Variants in RPP30 observed in about 807,000 individuals in gnomAD.
RPP30 encodes the protein ribonuclease P protein subunit p30.
RPP30 carries 36 observed loss-of-function variants against 38.6 expected under a neutral mutation model. The observed-to-expected ratio is 0.93, with a 90% CI of 0.71 to 1.23. The LOEUF (loss-of-function observed/expected upper bound fraction) is 1.23. Among genes scored for constraint, RPP30 ranks in the 50% most tolerant of loss-of-function variants. The pLI is 0.00. For synonymous variants in RPP30, 126 were observed against 112.7 expected, an observed-to-expected ratio of 1.12 and a Z score of -0.75; for missense variants, 321 against 321.7, an observed-to-expected ratio of 1.00 and a Z score of 0.02.
At chr10:90,880,514 G>A (rs1447999807) in intron 5 of RPP30, among the ~76,000 whole-genome samples, 1 of 152,088 alleles carries the variant, frequency 6.6e-6, no homozygotes, top group African/African-American at 2.4e-5. Context: ...GATCACTTGA[G>A]GTCAGGAGTT....
At chr10:90,877,395 C>T (rs183434301) in intron 4 of RPP30, among the ~76,000 whole-genome samples, 5 of 152,020 alleles carry the variant, frequency 3.3e-5, no homozygotes, top group Admixed American at 1.3e-4. Context: ...ATTGAAATCA[C>T]GGGAATGGAT....
intron 6 of RPP30, among the ~76,000 whole-genome samples, chr10:90,887,492 C>T (rs1847017873): frequency 6.6e-6 from 1 of 151,700 alleles, no homozygotes; most frequent in African/African-American, 2.4e-5. Flanking sequence ...AAGCAATTCT[C>T]CTGCCCCAGC....
intron 5 of RPP30, among the ~76,000 whole-genome samples, chr10:90,880,735 A>T (rs536103103): frequency 1.3e-5 from 2 of 152,318 alleles, no homozygotes; most frequent in South Asian, 2.1e-4. Flanking sequence ...AATTTTTTTT[A>T]AATGCAATTA....
At chr10:90,875,465 C>T in intron 2 of RPP30, 93 bp from the exon 3 acceptor site, 2 of 917,512 alleles carry the variant, frequency 2.2e-6, no homozygotes, top group East Asian at 2.5e-5. Flanking sequence ...AAAAAAAATG[C>T]ATATTTTTTC....
rs1847202186 is a variant in RPP30, at chr10:90,901,489, C to T, written c.*810C>T. The T allele has an allele frequency of 1.0e-6, 1 of 984,816 alleles. No individual in the cohort carries two copies. The highest frequency in any genetic ancestry group is 1.2e-6 in the Non-Finnish European group (1 of 829,440). 61.0% of individuals were successfully genotyped at this position (984,816 alleles called of 1,614,324 possible). ...GAGAGAGGATACACATGTAAAATTA[C>T]ATCTGGTCTCTTCCTTCACTGCTTC... is the stretch of plus-strand genomic sequence containing the variant. On this transcript the variant is annotated 3_prime_UTR_variant, in exon 11 of 11. Coordinates refer to ENST00000371703, the MANE Select transcript of RPP30 (RefSeq NM_006413.5).
Position 90,901,862 on chromosome 10 carries a change from A to G in RPP30, c.*1183A>G, listed in dbSNP as rs1052308452. On this transcript the variant is annotated 3_prime_UTR_variant, in exon 11 of 11. Coordinates refer to ENST00000371703, the MANE Select transcript of RPP30 (RefSeq NM_006413.5). ...TTGAGACAGTCTCGCTCTGTCCCCC[A>G]GGCTGGAGTGCAGTGGCTCGATCTC... The G allele has an allele frequency of 1.2e-6, 1 of 835,102 alleles. No homozygotes were observed. The highest frequency in any genetic ancestry group is 1.4e-6 in the Non-Finnish European group (1 of 697,956). 51.7% of individuals were successfully genotyped at this position (835,102 alleles called of 1,614,324 possible).
chr10:90,902,589 T>A (rs893875097), downstream of RPP30, among the ~76,000 whole-genome samples: 1 of 152,172 alleles, frequency 6.6e-6, no homozygotes, highest in Non-Finnish European at 1.5e-5. Flanking sequence ...AAAATCAGAA[T>A]ATTTTTAATA....
intron 4 of RPP30, among the ~76,000 whole-genome samples, chr10:90,878,835 T>C (rs1846886591): frequency 6.6e-6 from 1 of 152,218 alleles, no homozygotes; most frequent in Non-Finnish European, 1.5e-5. Flanking sequence ...TGGTACATGG[T>C]TAAAGTATAA....
chr10:90,901,473 T>G lies in RPP30; in HGVS notation c.*794T>G. Reference sequence around the variant, plus strand: ...ATAGAATTTGTGGAAGGAGAGAGGATACACATGTAAAATTACATCTGGTCT... The same window carrying G: ...ATAGAATTTGTGGAAGGAGAGAGGAGACACATGTAAAATTACATCTGGTCT... On this transcript the variant is annotated 3_prime_UTR_variant, in exon 11 of 11. Transcript: ENST00000371703. The G allele has an allele frequency of 1.0e-6, 1 of 984,792 alleles. No individual in the cohort carries two copies. The highest frequency in any genetic ancestry group is 1.2e-6 in the Non-Finnish European group (1 of 829,342). The allele number at this position is 984,792 out of a possible 1,614,324, so 61.0% of individuals were successfully genotyped here.
At chr10:90,882,487 C>A (rs537722300) in intron 5 of RPP30, among the ~76,000 whole-genome samples, 1 of 149,502 alleles carries the variant, frequency 6.7e-6, no homozygotes, top group East Asian at 2.0e-4. Flanking sequence ...CACGGTGAAA[C>A]CCCGACTCCA....
At chr10:90,879,177 T>A (rs890094751) in intron 5 of RPP30, 43 bp downstream of exon 5, 1 of 1,466,378 alleles carries the variant, frequency 6.8e-7, no homozygotes, top group South Asian at 1.2e-5. Context: ...ATATATGTTA[T>A]ATAAGAAGTC....
intron 7 of RPP30, 70 bp from the exon 8 acceptor site, chr10:90,895,384 C>A: frequency 3.6e-6 from 3 of 822,598 alleles, no homozygotes; most frequent in Non-Finnish European, 5.7e-6. Flanking sequence ...TGATTACTGG[C>A]TATTTATATT....
Position 90,895,900 on chromosome 10 carries a change from A to G in RPP30, c.600A>G (p.Pro200=). The G allele has an allele frequency of 6.3e-7, 1 of 1,599,776 alleles. No homozygotes were observed. The highest frequency in any genetic ancestry group is 8.5e-7 in the Non-Finnish European group (1 of 1,173,302). Residue 200 remains proline, a synonymous_variant, in exon 9 of 11, where the codon CCA becomes CCG. Coordinates refer to ENST00000371703, the MANE Select transcript of RPP30 (RefSeq NM_006413.5). ...TTCAGCCTTTAGAAATAAGAGGGCC[A>G]TATGACGTGGCAAATCTGTATCCTT... The part of the protein sequence containing the change: ...AAERPLEIRG[P]YDVANLGLLF...
intron 10 of RPP30, among the ~76,000 whole-genome samples, chr10:90,900,207 A>G (rs1194090580): frequency 6.6e-6 from 1 of 152,222 alleles, no homozygotes; most frequent in Non-Finnish European, 1.5e-5. Flanking sequence ...TGGGAGCCAT[A>G]CACTTGATTG....
At position 90,901,555 on chromosome 10, in the gene RPP30, A is replaced by C. The variant is rs1847203381; in HGVS notation, c.*876A>C. On this transcript the variant is annotated 3_prime_UTR_variant, in exon 11 of 11. Coordinates refer to ENST00000371703, the MANE Select transcript of RPP30 (RefSeq NM_006413.5). ...CTTTGAAATAGGATTCCTTACTTTT[A>C]GTTAGAAACCCCTAAAACGCTAATA... The C allele has an allele frequency of 1.0e-6, 1 of 985,190 alleles. No individual in the cohort carries two copies. Among genetic ancestry groups the C allele is most frequent in the South Asian group, 4.7e-5 (1 of 21,290 alleles). 61.0% of individuals were successfully genotyped at this position (985,190 alleles called of 1,614,324 possible).
downstream of RPP30, among the ~76,000 whole-genome samples, chr10:90,902,991 A>T (rs1344527906): frequency 6.6e-6 from 1 of 152,212 alleles, no homozygotes; most frequent in Admixed American, 6.5e-5. Context: ...TTTTTTAAAT[A>T]TGAAAATTGA....
intron 5 of RPP30, among the ~76,000 whole-genome samples, chr10:90,885,106 T>C (rs1008722076): frequency 6.6e-6 from 1 of 152,232 alleles, no homozygotes; most frequent in South Asian, 2.1e-4. Flanking sequence ...TTATCTTGTA[T>C]GTGGTTTTCA....
chr10:90,883,518 CAAAAT>C (rs1417700784), intron 5 of RPP30, among the ~76,000 whole-genome samples: 2 of 152,052 alleles, frequency 1.3e-5, no homozygotes, highest in Non-Finnish European at 2.9e-5. Context: ...AACTAAATAA[CAAAAT>C]AATTCAGTTT....
chr10:90,904,271 A>G (rs1847230703), downstream of RPP30, among the ~76,000 whole-genome samples: 1 of 152,222 alleles, frequency 6.6e-6, no homozygotes, highest in Non-Finnish European at 1.5e-5. Flanking sequence ...TCAGTAAGTG[A>G]TACTGAAATA....
Sources: allele counts gnomAD v4.1 joint callset (sites outside exome capture counted in the v4.1 genomes callset), GRCh38; gene constraint gnomAD v4.1.1; transcripts MANE v1.5; gene names NCBI Gene and HGNC (gene_info 2026-07-23, HGNC 2026-07-21).